NRXN3: variants seen among roughly 807,000 people sequenced by gnomAD.
NRXN3 encodes the protein neurexin 3, also known as neurexin III.
Under a neutral mutation model 137.6 loss-of-function variants are expected in NRXN3, and 32 were observed. The observed-to-expected ratio is 0.23, with a 90% CI of 0.18 to 0.31. NRXN3 has a LOEUF of 0.31. Among genes scored for constraint, NRXN3 ranks in the 10% least tolerant of loss-of-function variants. The pLI is 1.00. For missense variants in NRXN3, 1,574 were observed against 2,062.5 expected (o/e 0.76, Z 4.59); for synonymous variants, 798 against 784.5 (o/e 1.02, Z -0.29).
At chr14:78,187,537 T>C in intron 1 of NRXN3, among the ~76,000 whole-genome samples, 1 of 152,136 alleles carries the variant, frequency 6.6e-6, no homozygotes, top group East Asian at 1.9e-4. Context: ...TGGTCTGATG[T>C]TAGAATCCAC....
At chr14:79,412,506 C>T (rs963517071) in intron 15 of NRXN3, among the ~76,000 whole-genome samples, 1 of 151,832 alleles carries the variant, frequency 6.6e-6, no homozygotes, top group Non-Finnish European at 1.5e-5. Flanking sequence ...TCAGCTGGCT[C>T]AGTGGCTCAC....
chr14:79,107,547 A>T (rs2052672305), intron 15 of NRXN3, among the ~76,000 whole-genome samples: 1 of 152,292 alleles, frequency 6.6e-6, no homozygotes, highest in Middle Eastern at 3.4e-3. Context: ...TGGTTGCTTT[A>T]TGAAACACGG....
At chr14:79,280,598 C>T (rs900541108) in intron 15 of NRXN3, 2 of 1,463,676 alleles carry the variant, frequency 1.4e-6, no homozygotes, top group Non-Finnish European at 1.9e-6. Context: ...ACCCACTAGC[C>T]TTGCAGGTAG....
chr14:79,544,497 T>C (rs2097301306), intron 16 of NRXN3, among the ~76,000 whole-genome samples: 1 of 152,164 alleles, frequency 6.6e-6, no homozygotes, highest in Non-Finnish European at 1.5e-5. Context: ...TGTGACTTGC[T>C]GGATGGATGC....
chr14:78,584,464 T>C (rs2097039567), intron 4 of NRXN3, among the ~76,000 whole-genome samples: 1 of 152,222 alleles, frequency 6.6e-6, no homozygotes, highest in Non-Finnish European at 1.5e-5. Flanking sequence ...AAAAAGGCTA[T>C]GGTCCCAAAG....
chr14:78,658,211 G>T (rs2097800838), intron 6 of NRXN3, among the ~76,000 whole-genome samples: 1 of 152,124 alleles, frequency 6.6e-6, no homozygotes, highest in African/African-American at 2.4e-5. Flanking sequence ...ATGAGAAGAG[G>T]GTGGGCTTCA....
intron 15 of NRXN3, among the ~76,000 whole-genome samples, chr14:78,990,873 C>T (rs1240564151): frequency 1.3e-5 from 2 of 152,176 alleles, no homozygotes; most frequent in African/African-American, 4.8e-5. Context: ...CCAGTTTGTT[C>T]TACCTAGAAA....
At chr14:79,631,980 G>A (rs1212164929) in intron 16 of NRXN3, among the ~76,000 whole-genome samples, 2 of 152,164 alleles carry the variant, frequency 1.3e-5, no homozygotes, top group South Asian at 2.1e-4. Flanking sequence ...GCAGGAGGTC[G>A]GTAGGGCCAG....
At chr14:78,467,232 TAAAAA>T in intron 4 of NRXN3, among the ~76,000 whole-genome samples, 1 of 152,308 alleles carries the variant, frequency 6.6e-6, no homozygotes, top group East Asian at 1.9e-4. Flanking sequence ...TATCTTTAAT[TAAAAA>T]AGAAATATTT....
chr14:78,649,396 T>C lies in NRXN3; in HGVS notation c.1060-1769T>C. On this transcript the variant is annotated intron_variant, in intron 5 of 20. Coordinates refer to ENST00000335750, the MANE Select transcript of NRXN3 (RefSeq NM_001330195.2). ...CTCTCCAACCCCCCCTTTTATCCTC[T>C]TTAGACTCATTTCTTCTTTTAAGAT... 4 of 370,742 alleles carry C rather than the reference T, an allele frequency of 1.1e-5. No individual in the cohort carries two copies. The South Asian group carries it at 1.3e-4, about 12-fold the overall frequency. The allele number at this position is 370,742 out of a possible 1,614,324, so 23.0% of individuals were successfully genotyped here.
chr14:78,725,633 T>C (rs913098652), intron 8 of NRXN3, among the ~76,000 whole-genome samples: 7 of 152,344 alleles, frequency 4.6e-5, no homozygotes, highest in Middle Eastern at 3.4e-3. Flanking sequence ...AAAAAAATGA[T>C]GAATAACAGT....
In NRXN3 at chr14:78,645,417, G is replaced by A. The variant is rs1359897878; in HGVS notation, c.1055G>A (p.Arg352Gln). ...GATGTCAAAGTGACACGCAACCTCC[G>A]GCAGGTAATGGCTGAGGGGAGAGAA... ...WHDVKVTRNL[R>Q]QVTISVDGIL... Residue 352 changes from arginine (R) to glutamine (Q), a missense_variant, in exon 5 of 21, where the codon CGG becomes CAG. Physicochemically the swap from Arg to Gln is conservative, Grantham distance 43. This residue lies in a region of NRXN3 where 400 missense variants were observed against 527.3 expected (regional missense o/e 0.76). Coordinates refer to ENST00000335750, the MANE Select transcript of NRXN3 (RefSeq NM_001330195.2). The A allele has an allele frequency of 6.3e-7, 1 of 1,576,438 alleles. No homozygotes were observed. Among genetic ancestry groups the A allele is most frequent in the Non-Finnish European group, 8.6e-7 (1 of 1,166,458 alleles).
chr14:78,235,627 T>TA (rs893960422), intron 1 of NRXN3, among the ~76,000 whole-genome samples: 5 of 151,208 alleles, frequency 3.3e-5, no homozygotes, highest in South Asian at 2.1e-4. Context: ...AGTTAAAGGT[T>TA]AAAAAAAAAG....
intron 16 of NRXN3, among the ~76,000 whole-genome samples, chr14:79,601,595 C>T (rs1031238240): frequency 6.6e-6 from 1 of 152,170 alleles, no homozygotes; most frequent in African/African-American, 2.4e-5. Context: ...GCTGACCCCT[C>T]ATTCTCTAGA....
intron 4 of NRXN3, among the ~76,000 whole-genome samples, chr14:78,423,198 C>T (rs974533251): frequency 6.6e-6 from 1 of 152,108 alleles, no homozygotes; most frequent in Admixed American, 6.5e-5. Context: ...GAGAATTCCT[C>T]CTCAGTCACA....
At chr14:78,844,422 G>A (rs1469473717) in intron 10 of NRXN3, among the ~76,000 whole-genome samples, 1 of 151,974 alleles carries the variant, frequency 6.6e-6, no homozygotes, top group Non-Finnish European at 1.5e-5. Flanking sequence ...TTTTCCAGGG[G>A]CTGCCATTCA....
intron 4 of NRXN3, among the ~76,000 whole-genome samples, chr14:78,397,097 T>A (rs1375810364): frequency 6.6e-6 from 1 of 152,196 alleles, no homozygotes; most frequent in Non-Finnish European, 1.5e-5. Flanking sequence ...CATATGAATT[T>A]TAGGGGTGCA....
intron 2 of NRXN3, chr14:78,250,053 C>T (rs183884668): frequency 8.0e-5 from 41 of 512,832 alleles, no homozygotes; most frequent in East Asian, 6.0e-4. Flanking sequence ...TTGAAACCCT[C>T]GCAACCACTC....
chr14:79,544,508 C>T (rs2097301395), intron 16 of NRXN3, among the ~76,000 whole-genome samples: 2 of 152,102 alleles, frequency 1.3e-5, no homozygotes, highest in East Asian at 1.9e-4. Context: ...GGATGGATGC[C>T]ATTTCTGTTG....
Sources: allele counts gnomAD v4.1 joint callset (sites outside exome capture counted in the v4.1 genomes callset), GRCh38; gene constraint gnomAD v4.1.1; regional missense constraint gnomAD v4.1.1; transcripts MANE v1.5; gene names NCBI Gene and HGNC (gene_info 2026-07-23, HGNC 2026-07-21).